Variants in TRMT44 observed in about 807,000 individuals in gnomAD.
The protein encoded by TRMT44 is probable tRNA (uracil-O(2)-)-methyltransferase.
Under a neutral mutation model 77.3 loss-of-function variants are expected in TRMT44, and 78 were observed. The observed-to-expected ratio is 1.01, with a 90% confidence interval of 0.84 to 1.22. TRMT44 has a LOEUF of 1.22. Among genes scored for constraint, TRMT44 ranks in the 50% most tolerant of loss-of-function variants. The probability of loss-of-function intolerance (pLI) is 0.00; values close to 1 mark genes in which losing one functional copy is unlikely to be tolerated. For synonymous variants in TRMT44, 391 were observed against 383.3 expected (o/e 1.02, Z -0.23); for missense variants, 1,090 against 964.4 (o/e 1.13, Z -1.73).
downstream of TRMT44, among the ~76,000 whole-genome samples, chr4:8,497,517 C>A (rs545704793): frequency 2.5e-4 from 38 of 152,202 alleles, no homozygotes; most frequent in East Asian, 6.4e-3. Context: ...TGGTGGCAGG[C>A]GCCTGTAGTC....
the TRMT44 span, among the ~76,000 whole-genome samples, chr4:8,503,727 C>T: frequency 6.6e-6 from 1 of 152,250 alleles, no homozygotes; most frequent in Non-Finnish European, 1.5e-5. Context: ...CAGAAGCTTC[C>T]TCTTCTCTTG....
intron 9 of TRMT44, among the ~76,000 whole-genome samples, chr4:8,469,414 C>T (rs1019212370): frequency 2.0e-5 from 3 of 152,212 alleles, no homozygotes; most frequent in Non-Finnish European, 4.4e-5. Flanking sequence ...AGCATGGAGC[C>T]CACCACAGGC....
chr4:8,493,827 A>G (rs1485082834), downstream of TRMT44, among the ~76,000 whole-genome samples: 2 of 151,410 alleles, frequency 1.3e-5, no homozygotes, highest in Non-Finnish European at 2.9e-5. Context: ...GTGGAATGGG[A>G]CCTGCCTGCC....
intron 9 of TRMT44, among the ~76,000 whole-genome samples, chr4:8,469,648 G>A (rs1019581475): frequency 6.6e-6 from 1 of 152,208 alleles, no homozygotes; most frequent in African/African-American, 2.4e-5. Context: ...GCTCAGTCCT[G>A]CCTGCGCCTT....
intron 10 of TRMT44, among the ~76,000 whole-genome samples, 190 bp from the exon 11 acceptor site, chr4:8,475,582 A>C (rs1386136524): frequency 6.6e-6 from 1 of 152,132 alleles, no homozygotes; most frequent in African/African-American, 2.4e-5. Flanking sequence ...GCCTGAAGAC[A>C]CATCCCATAC....
chr4:8,477,804 C>T (rs1288149702), downstream of TRMT44: 1 of 152,622 alleles, frequency 6.6e-6, no homozygotes, highest in Admixed American at 6.5e-5. Flanking sequence ...TGGAGCTCTC[C>T]CTGCAGCAGG....
chr4:8,487,899 T>C (rs534636528), intron 2 of TRMT44, among the ~76,000 whole-genome samples: 1 of 152,196 alleles, frequency 6.6e-6, no homozygotes, highest in South Asian at 2.1e-4. Flanking sequence ...CTGCAATGAT[T>C]AAACACCAAG....
At position 8,461,153 on chromosome 4, in the gene TRMT44, G is replaced by C. The variant is rs1316361970; in HGVS notation, c.1204-2832G>C. 2.0e-5 allele frequency among the ~76,000 whole-genome samples: 3 copies of C among 152,148 alleles called. No individual in the cohort carries two copies. Among genetic ancestry groups the C allele is most frequent in the African/African-American group, 7.2e-5 (3 of 41,440 alleles). ...ATGAGCCGCTGCGCCGGGCCAGGGTGCTTACTCTTTGCTTGTACATTTACT... is the reference window on the plus strand; with the variant it reads ...ATGAGCCGCTGCGCCGGGCCAGGGTCCTTACTCTTTGCTTGTACATTTACT... On this transcript the variant is annotated intron_variant, in intron 6 of 10. Coordinates refer to ENST00000389737, the MANE Select transcript of TRMT44 (RefSeq NM_152544.3). This position sits in a 1 kb window ranked among gnomAD's most constrained non-coding sequence, Gnocchi z 4.6.
chr4:8,462,276 T>G (rs1178749420), intron 6 of TRMT44, among the ~76,000 whole-genome samples: 1 of 152,048 alleles, frequency 6.6e-6, no homozygotes, highest in Admixed American at 6.5e-5. Flanking sequence ...CCAGGTGAGA[T>G]GGCGCATGCC....
intron 6 of TRMT44, among the ~76,000 whole-genome samples, chr4:8,462,871 CTT>C (rs1327834303): frequency 2.6e-5 from 4 of 152,254 alleles, no homozygotes; most frequent in East Asian, 3.9e-4. Flanking sequence ...GATGGGCAAA[CTT>C]AAATCTAGAA....
Position 8,468,095 on chromosome 4 carries a change from C to T in TRMT44, c.1676C>T (p.Ala559Val), listed in dbSNP as rs752556439. 14 of 1,613,956 alleles carry T rather than the reference C, an allele frequency of 8.7e-6. No individual in the cohort carries two copies. Among genetic ancestry groups the T allele is most frequent in the South Asian group, 1.1e-5 (1 of 91,076 alleles). Residue 559 changes from alanine (A) to valine (V), a missense_variant, in exon 9 of 11, where the codon GCT becomes GTT. By Grantham distance (64) the Ala-to-Val change is moderately conservative. Transcript: ENST00000389737. ...GCTGGTCACTGTGACGGTCAGCAAG[C>T]TCTGGACGCCAGGGTCGGGTGTGTA... is the stretch of plus-strand genomic sequence containing the variant. ...GSAGHCDGQQ[A>V]LDARVGCVTR...
the TRMT44 span, among the ~76,000 whole-genome samples, chr4:8,501,377 G>A: frequency 6.6e-6 from 1 of 152,136 alleles, no homozygotes. This position sits in a 1 kb window ranked among gnomAD's most constrained non-coding sequence, Gnocchi z 4.4. Flanking sequence ...CATGAGCTCT[G>A]GGACCGGATG....
At chr4:8,479,870 T>C (rs746085603), downstream of TRMT44, among the ~76,000 whole-genome samples, 3 of 152,192 alleles carry the variant, frequency 2.0e-5, no homozygotes, top group Non-Finnish European at 4.4e-5. Flanking sequence ...ACAAAAATAT[T>C]TTTCCTTTTT....
Position 8,468,311 on chromosome 4 carries a change from C to T in TRMT44, c.1892C>T (p.Ser631Phe), listed in dbSNP as rs1726746734. ...LGGKQLNTRS[S>F]RNGSLKTWNG... ...GGAAAGCAATTAAACACAAGAAGTTCTCGAAATGGGAGTTTGAAGACCTGG... is the reference window on the plus strand; with the variant it reads ...GGAAAGCAATTAAACACAAGAAGTTTTCGAAATGGGAGTTTGAAGACCTGG... The change falls in exon 9 of 11, where the codon TCT (serine) becomes TTT (phenylalanine). Residue 631 changes from serine (S) to phenylalanine (F), a missense_variant. Coordinates refer to ENST00000389737, the MANE Select transcript of TRMT44 (RefSeq NM_152544.3). 7 of 1,614,130 alleles carry T rather than the reference C, an allele frequency of 4.3e-6. No homozygotes were observed. The East Asian group carries it at 1.6e-4, about 36-fold the overall frequency.
chr4:8,477,471 G>A (rs931967467), downstream of TRMT44: 1 of 152,326 alleles, frequency 6.6e-6, no homozygotes, highest in African/African-American at 2.4e-5. Flanking sequence ...TCTGACTAGT[G>A]AGGCACAAGG....
At position 8,475,842 on chromosome 4, in the gene TRMT44, G is replaced by GA. The variant is rs1727342843; in HGVS notation, c.2118dup (p.Gln707ThrfsTer6). 1 of 1,614,076 alleles carries GA rather than the reference G, an allele frequency of 6.2e-7. No individual in the cohort carries two copies. Among genetic ancestry groups the GA allele is most frequent in the African/African-American group, 1.3e-5 (1 of 74,938 alleles). ...TGTGGAAGACAAAGCAACCGGAAGCGAAACAGAGACTGCTCTCTGAAGCCT... is the reference window on the plus strand; with the variant it reads ...TGTGGAAGACAAAGCAACCGGAAGCGAAAACAGAGACTGCTCTCTGAAGCCT... On this transcript the variant is annotated frameshift_variant, in exon 11 of 11. Transcript: ENST00000389737. LOFTEE classifies it low-confidence loss of function (END_TRUNC).
chr4:8,486,835 A>C (rs925581950), intron 2 of TRMT44, among the ~76,000 whole-genome samples: 1 of 152,118 alleles, frequency 6.6e-6, no homozygotes. Flanking sequence ...AGGTGATAAA[A>C]GGATTATAGG....
chr4:8,513,384 G>A, the TRMT44 span, among the ~76,000 whole-genome samples: 1 of 152,166 alleles, frequency 6.6e-6, no homozygotes, highest in African/African-American at 2.4e-5. Context: ...GGAAAGACTG[G>A]CCCCCATAAT....
At chr4:8,448,321 G>A (rs1252928765) in intron 2 of TRMT44, among the ~76,000 whole-genome samples, 7 of 152,174 alleles carry the variant, frequency 4.6e-5, no homozygotes, top group African/African-American at 7.2e-5. Flanking sequence ...GGCACGCAGC[G>A]GGAAGTGAGT....
Sources: gnomAD v4.1 joint callset for allele counts (sites outside exome capture counted in the v4.1 genomes callset) on GRCh38, gnomAD v4.1.1 for gene constraint, Gnocchi (gnomAD v3.1) non-coding constraint, MANE v1.5 for transcripts, NCBI Gene and HGNC (gene_info 2026-07-23, HGNC 2026-07-21) for gene names.